The following GPR89A variants were observed in gnomAD, a reference collection of about 807,000 sequenced individuals.
GPR89A encodes the protein golgi pH regulator A, also known as G protein-coupled receptor 89A.
Under a neutral mutation model 52.0 loss-of-function variants are expected in GPR89A, and 16 were observed. The observed-to-expected ratio is 0.31, with a 90% CI of 0.21 to 0.47. The LOEUF (loss-of-function observed/expected upper bound fraction) is 0.47, where lower values mean the gene tolerates loss of function less well. Ranked by LOEUF, GPR89A falls within the 20% of genes least tolerant of loss-of-function variation. GPR89A has a pLI of 1.00. For missense variants in GPR89A, 135 were observed against 449.4 expected (o/e 0.30, Z 6.33); for synonymous variants, 55 against 150.9 (o/e 0.36, Z 4.66).
At chr1:145,655,569 AT>A (rs1453533619) in intron 10 of GPR89A, among the ~76,000 whole-genome samples, 8 of 152,106 alleles carry the variant, frequency 5.3e-5, no homozygotes, top group Middle Eastern at 3.4e-3. Context: ...GGCTGCTGCC[AT>A]TTGTTGGCGG....
chr1:145,638,556 CAA>C (rs1295882900), intron 7 of GPR89A, among the ~76,000 whole-genome samples: 1 of 145,336 alleles, frequency 6.9e-6, no homozygotes, highest in Non-Finnish European at 1.5e-5. Flanking sequence ...GAAAACTCAA[CAA>C]AAGTCTCAGT....
At chr1:145,661,800 A>G (rs1432633864) in intron 10 of GPR89A, among the ~76,000 whole-genome samples, 2 of 149,580 alleles carry the variant, frequency 1.3e-5, no homozygotes, top group Non-Finnish European at 3.0e-5. Context: ...ATTTCTTGCT[A>G]TGTACTGCTA....
chr1:145,627,083 G>A (rs1553689152), intron 5 of GPR89A, among the ~76,000 whole-genome samples: 1 of 151,742 alleles, frequency 6.6e-6, no homozygotes, highest in African/African-American at 2.4e-5. Context: ...GATTACAAAA[G>A]ACTGTAAGGA....
intron 12 of GPR89A, among the ~76,000 whole-genome samples, chr1:145,666,008 G>C (rs1253368325): frequency 6.9e-6 from 1 of 144,898 alleles, no homozygotes; most frequent in African/African-American, 2.5e-5. Flanking sequence ...AAAAAAATAG[G>C]TGGTACCATG....
intron 1 of GPR89A, among the ~76,000 whole-genome samples, chr1:145,612,994 A>G (rs1272641992): frequency 1.3e-5 from 2 of 151,852 alleles, no homozygotes; most frequent in Non-Finnish European, 2.9e-5. Context: ...TCTTCTTGGC[A>G]CATTGCTCTC....
intron 7 of GPR89A, among the ~76,000 whole-genome samples, chr1:145,632,857 T>G (rs1649975933): frequency 6.6e-6 from 1 of 152,184 alleles, no homozygotes; most frequent in African/African-American, 2.4e-5. Flanking sequence ...AATTTATATT[T>G]CCACCAACAA....
At chr1:145,659,176 T>TTTTA (rs1211163172) in intron 10 of GPR89A, among the ~76,000 whole-genome samples, 95 of 151,916 alleles carry the variant, frequency 6.3e-4, no homozygotes, top group Admixed American at 9.2e-4. Flanking sequence ...TGTTTAACCT[T>TTTTA]TTTATTTATT....
chr1:145,645,699 A>G (rs1308635254), intron 8 of GPR89A: 6 of 453,900 alleles, frequency 1.3e-5, no homozygotes, highest in Non-Finnish European at 2.6e-5. Context: ...AGACAATCCC[A>G]TGAAGATAAG....
At chr1:145,649,325 A>G (rs199826466) in intron 10 of GPR89A, among the ~76,000 whole-genome samples, 2 of 152,172 alleles carry the variant, frequency 1.3e-5, no homozygotes, top group African/African-American at 4.8e-5. Context: ...TCCCCAGACG[A>G]CTGCCAATCT....
At chr1:145,645,434 CTG>C (rs1267543911) in intron 8 of GPR89A, 6 of 372,904 alleles carry the variant, frequency 1.6e-5, no homozygotes, top group African/African-American at 1.3e-4. Flanking sequence ...CGGGTTTGAG[CTG>C]TGTTAGTAAT....
chr1:145,654,914 G>A (rs868995536), intron 10 of GPR89A, among the ~76,000 whole-genome samples: 4,510 of 151,286 alleles, frequency 0.03, 192 homozygotes, highest in African/African-American at 0.1. Flanking sequence ...CGTTCTCCCC[G>A]TCTCTTCCAG....
At chr1:145,628,493 C>T (rs1327739792) in intron 5 of GPR89A, among the ~76,000 whole-genome samples, 1 of 151,900 alleles carries the variant, frequency 6.6e-6, no homozygotes, top group African/African-American at 2.4e-5. Context: ...AGCCCAGACT[C>T]TGGAGCTAGA....
intron 7 of GPR89A, among the ~76,000 whole-genome samples, chr1:145,632,722 C>T (rs1649965972): frequency 1.3e-5 from 2 of 152,148 alleles, no homozygotes; most frequent in South Asian, 2.1e-4. Context: ...ACAGATATCT[C>T]TTTGACATTT....
At chr1:145,652,323 G>C (rs1229050967) in intron 10 of GPR89A, among the ~76,000 whole-genome samples, 1 of 152,202 alleles carries the variant, frequency 6.6e-6, no homozygotes, top group East Asian at 1.9e-4. Flanking sequence ...TGTTGAACCA[G>C]TGTTGCATAC....
chr1:145,646,234 C>A lies in GPR89A; in HGVS notation c.778C>A (p.Gln260Lys), dbSNP rs1553692527. ...GGATGCTTTGGAAGAATTAAGCAGGCAGCTTTTTCTGGAAACAGCTGATCT... is the reference window on the plus strand; with the variant it reads ...GGATGCTTTGGAAGAATTAAGCAGGAAGCTTTTTCTGGAAACAGCTGATCT... ...EVDALEELSR[Q>K]LFLETADLYA... Residue 260 changes from glutamine (Q) to lysine (K), a missense_variant, in exon 9 of 14, where the codon CAG (glutamine) becomes AAG (lysine). Coordinates refer to ENST00000313835, the MANE Select transcript of GPR89A (RefSeq NM_001097612.2). 6.2e-7 allele frequency: 1 copy of A among 1,612,282 alleles called. No homozygotes were observed. The highest frequency in any genetic ancestry group is 8.5e-7 in the Non-Finnish European group (1 of 1,179,052).
chr1:145,636,516 C>T (rs1351574954), intron 7 of GPR89A, among the ~76,000 whole-genome samples: 1 of 151,000 alleles, frequency 6.6e-6, no homozygotes, highest in African/African-American at 2.4e-5. Flanking sequence ...AAGAGGCATA[C>T]GTCTTCCTGT....
chr1:145,635,882 C>G (rs1277344347), intron 7 of GPR89A, among the ~76,000 whole-genome samples: 1 of 152,124 alleles, frequency 6.6e-6, no homozygotes, highest in South Asian at 2.1e-4. Flanking sequence ...TCGCTTGAAC[C>G]CGGGAGGCAG....
intron 10 of GPR89A, among the ~76,000 whole-genome samples, chr1:145,647,879 CTA>C (rs782172827): frequency 0.04 from 985 of 24,588 alleles, 36 homozygotes; most frequent in Middle Eastern, 0.067. Flanking sequence ...CTCTCTCTCT[CTA>C]TATATATATA....
intron 1 of GPR89A, among the ~76,000 whole-genome samples, chr1:145,611,110 A>G (rs587756948): frequency 1.9e-4 from 28 of 149,166 alleles, no homozygotes; most frequent in African/African-American, 6.7e-4. Context: ...ATCCTCTATA[A>G]TCTTGCCAGA....
Sources: gnomAD v4.1 joint callset for allele counts (sites outside exome capture counted in the v4.1 genomes callset) on GRCh38, gnomAD v4.1.1 for gene constraint, MANE v1.5 for transcripts, NCBI Gene and HGNC (gene_info 2026-07-23, HGNC 2026-07-21) for gene names.